NIBAN1: variants seen among roughly 807,000 people sequenced by gnomAD.
NIBAN1 encodes the protein niban apoptosis regulator 1.
NIBAN1 carries 81 observed loss-of-function variants against 75.1 expected under a neutral mutation model. The ratio of observed to expected loss-of-function variants is 1.08; its 90% CI spans 0.90 to 1.30. The LOEUF (loss-of-function observed/expected upper bound fraction) is 1.30, where lower values mean the gene tolerates loss of function less well. Among genes scored for constraint, NIBAN1 ranks in the 50% most tolerant of loss-of-function variants. The pLI is 0.00. For synonymous variants in NIBAN1, 436 were observed against 424.8 expected, an observed-to-expected ratio of 1.03 and a Z score of -0.32; for missense variants, 1,133 against 1,128.1, an observed-to-expected ratio of 1.00 and a Z score of -0.06.
intron 12 of NIBAN1, 88 bp from the exon 13 acceptor site, chr1:184,798,278 T>C (rs1369659593): frequency 5.3e-6 from 4 of 761,160 alleles, no homozygotes; most frequent in Non-Finnish European, 8.4e-6. Context: ...TTCCCACTCA[T>C]GATTCTCTTC....
chr1:184,834,792 C>A (rs1655094440), intron 5 of NIBAN1, among the ~76,000 whole-genome samples: 1 of 152,126 alleles, frequency 6.6e-6, no homozygotes, highest in Non-Finnish European at 1.5e-5. Flanking sequence ...AATTTTCTCC[C>A]ATTCTGTAGG....
chr1:184,821,202 T>A (rs1478551925), intron 8 of NIBAN1, among the ~76,000 whole-genome samples: 1 of 152,182 alleles, frequency 6.6e-6, no homozygotes, highest in Non-Finnish European at 1.5e-5. Flanking sequence ...ACTTATTGAA[T>A]GAATAAATAA....
intron 12 of NIBAN1, among the ~76,000 whole-genome samples, chr1:184,798,969 TC>T (rs1424483609): frequency 6.6e-6 from 1 of 152,220 alleles, no homozygotes; most frequent in Non-Finnish European, 1.5e-5. Context: ...AAATTGTTTA[TC>T]TGCACTCAGG....
chr1:184,817,723 G>A (rs1379500191), intron 9 of NIBAN1, among the ~76,000 whole-genome samples: 1 of 152,174 alleles, frequency 6.6e-6, no homozygotes, highest in Non-Finnish European at 1.5e-5. Flanking sequence ...AATTGTTAAT[G>A]CAAACTAACT....
intron 4 of NIBAN1, 83 bp downstream of exon 4, chr1:184,890,025 C>T (rs75783127): frequency 2.4e-5 from 26 of 1,070,428 alleles, no homozygotes; most frequent in Non-Finnish European, 3.4e-5. Context: ...AGGGAAATCC[C>T]TCTCCTTCAC....
intron 1 of NIBAN1, among the ~76,000 whole-genome samples, chr1:184,966,621 C>A (rs991354332): frequency 2.4e-4 from 36 of 152,330 alleles, no homozygotes; most frequent in African/African-American, 8.7e-4. Context: ...ACGGGGCACA[C>A]AGAAGCCTCC....
In NIBAN1 at chr1:184,853,945, T is replaced by C. The variant is rs116012658; in HGVS notation, c.602-21983A>G. 1.6e-3 allele frequency among the ~76,000 whole-genome samples: 248 copies of C among 152,300 alleles called. 1 individual carries two copies. Among genetic ancestry groups the C allele is most frequent in the Non-Finnish European group, 2.4e-3 (161 of 68,032 alleles). The stretch of plus-strand genomic sequence containing the variant: ...ATATAATGAGATATAATGAAAGCCA[T>C]GTATGCAATTTTAAATTTTATAGTA... On this transcript the variant is annotated intron_variant, in intron 5 of 13. Transcript: ENST00000367511.
chr1:184,813,743 G>T (rs1054439929), intron 9 of NIBAN1, among the ~76,000 whole-genome samples: 2 of 152,160 alleles, frequency 1.3e-5, no homozygotes, highest in Non-Finnish European at 1.5e-5. Flanking sequence ...TAATTTGAAG[G>T]TGCTTCATAA....
chr1:184,963,391 T>C (rs1226471919), intron 1 of NIBAN1, among the ~76,000 whole-genome samples: 2 of 152,172 alleles, frequency 1.3e-5, no homozygotes, highest in African/African-American at 4.8e-5. Flanking sequence ...GGATGTTTGC[T>C]GTCATTCTTA....
chr1:184,883,529 C>G (rs1656430272), intron 5 of NIBAN1, among the ~76,000 whole-genome samples: 1 of 152,150 alleles, frequency 6.6e-6, no homozygotes, highest in Admixed American at 6.5e-5. Flanking sequence ...CCAGAAAAAC[C>G]AGCATTCACC....
intron 10 of NIBAN1, 137 bp downstream of exon 10, chr1:184,807,937 G>A (rs1197701838): frequency 1.1e-6 from 1 of 912,770 alleles, no homozygotes. Flanking sequence ...GACAGAACGT[G>A]TCCTCCCGCA....
At chr1:184,901,125 T>C (rs1004517284) in intron 1 of NIBAN1, among the ~76,000 whole-genome samples, 1 of 152,174 alleles carries the variant, frequency 6.6e-6, no homozygotes, top group African/African-American at 2.4e-5. Flanking sequence ...ATACTCTCCA[T>C]ATGCAGAGAA....
At chr1:184,892,901 ATC>A (rs1656707513) in intron 3 of NIBAN1, among the ~76,000 whole-genome samples, 1 of 152,066 alleles carries the variant, frequency 6.6e-6, no homozygotes, top group Non-Finnish European at 1.5e-5. Flanking sequence ...CCTCTTGAGT[ATC>A]TGAGACTACA....
At chr1:184,957,353 A>G (rs1658516839) in intron 1 of NIBAN1, among the ~76,000 whole-genome samples, 1 of 152,256 alleles carries the variant, frequency 6.6e-6, no homozygotes, top group Non-Finnish European at 1.5e-5. Flanking sequence ...GAATAAATAA[A>G]GCAGAATACC....
intron 6 of NIBAN1, among the ~76,000 whole-genome samples, chr1:184,828,625 T>C (rs572914775): frequency 4.4e-4 from 67 of 152,312 alleles, no homozygotes; most frequent in African/African-American, 1.6e-3. Flanking sequence ...TACCAGCTTC[T>C]CCAAGCCGGT....
In NIBAN1 at chr1:184,804,947, C is replaced by A. The variant is rs183895707; in HGVS notation, c.1446+999G>T. Among the ~76,000 whole-genome samples the A allele has an allele frequency of 4.1e-3, 619 of 152,152 alleles. 2 individuals carry two copies. Among genetic ancestry groups the A allele is most frequent in the African/African-American group, 0.014 (584 of 41,500 alleles). On this transcript the variant is annotated intron_variant, in intron 11 of 13. Coordinates refer to ENST00000367511, the MANE Select transcript of NIBAN1 (RefSeq NM_052966.4). ...AGGACTACAGGTGCCCACCACCACACCCGGCTAGTTTTTTGTATTTTTAGT... is the reference window on the plus strand; with the variant it reads ...AGGACTACAGGTGCCCACCACCACAACCGGCTAGTTTTTTGTATTTTTAGT...
chr1:184,970,169 CAAAAAAA>C (rs540891439), intron 1 of NIBAN1, among the ~76,000 whole-genome samples: 1 of 71,534 alleles, frequency 1.4e-5, no homozygotes, highest in African/African-American at 4.1e-5. Flanking sequence ...GACCCTGTCT[CAAAAAAA>C]AAAAAAAAAA....
rs2102215845 is a variant in NIBAN1 at position 184,818,816 on chromosome 1, G to T, written c.995C>A (p.Ala332Asp). Residue 332 changes from alanine to aspartate, a missense_variant, in exon 9 of 14, where the codon GCC (alanine) becomes GAC (aspartate). Coordinates refer to ENST00000367511, the MANE Select transcript of NIBAN1 (RefSeq NM_052966.4). ...YLIGKIKAMV[A>D]QPAEKSCLES... Reference sequence around the variant, plus strand: ...CAAGCAGCTTTTCTCCGCCGGCTGGGCCACCATCGCTGAGGTAGGAAATAG... The same window carrying T: ...CAAGCAGCTTTTCTCCGCCGGCTGGTCCACCATCGCTGAGGTAGGAAATAG... 1 of 1,590,394 alleles carries T rather than the reference G, an allele frequency of 6.3e-7. No homozygotes were observed. Among genetic ancestry groups the T allele is most frequent in the East Asian group, 2.3e-5 (1 of 44,400 alleles).
chr1:184,829,629 C>A (rs945816202), intron 6 of NIBAN1, among the ~76,000 whole-genome samples: 5 of 151,838 alleles, frequency 3.3e-5, no homozygotes, highest in Non-Finnish European at 5.9e-5. Flanking sequence ...CCATGCCCAG[C>A]TAATTTTTTT....
Sources: gnomAD v4.1 joint callset for allele counts (sites outside exome capture counted in the v4.1 genomes callset) on GRCh38, gnomAD v4.1.1 for gene constraint, MANE v1.5 for transcripts, NCBI Gene and HGNC (gene_info 2026-07-23, HGNC 2026-07-21) for gene names.